NXF3: variants seen among roughly 807,000 people sequenced by gnomAD.
NXF3 encodes nuclear RNA export factor 3.
Under a neutral mutation model 48.4 loss-of-function variants are expected in NXF3, and 34 were observed. The observed-to-expected ratio is 0.70, with a 90% CI of 0.53 to 0.93. The LOEUF (loss-of-function observed/expected upper bound fraction) is 0.93. Among genes scored for constraint, NXF3 ranks in the 40% least tolerant of loss-of-function variants. The pLI is 0.00. For synonymous variants in NXF3, 132 were observed against 145.7 expected (o/e 0.91, Z 0.68); for missense variants, 359 against 406.1 (o/e 0.88, Z 1.00).
At chrX:103,078,822 T>C (rs73523996) in intron 16 of NXF3, among the ~76,000 whole-genome samples, 190 bp from the exon 17 acceptor site, 1,917 of 112,025 alleles carry the variant, frequency 0.017, 53 homozygotes, top group African/African-American at 0.058. Context: ...CTCCCAGTGA[T>C]AGGGCCCCTA....
chrX:103,084,952 A>G, intron 1 of NXF3, 69 bp from the exon 2 acceptor site: 1 of 993,872 alleles, frequency 1.0e-6, no homozygotes, highest in Non-Finnish European at 1.4e-6. Flanking sequence ...ATAATGGATA[A>G]TGAAAAAATT....
At position 103,084,330 on chromosome X, in the gene NXF3, C is replaced by G. The variant is rs1922091858; in HGVS notation, c.351+12G>C. 2.5e-6 allele frequency: 3 copies of G among 1,208,051 alleles called. No individual in the cohort carries two copies. The highest frequency in any genetic ancestry group is 3.4e-6 in the Non-Finnish European group (3 of 894,409). On this transcript the variant is annotated intron_variant, in intron 3 of 19. Transcript: ENST00000395065. ...CTTCTGAACATTAGATCCACTTTGC[C>G]AGGACACTCACTGTGATCTTGAACC... is the stretch of plus-strand genomic sequence containing the variant.
intron 19 of NXF3, 79 bp from the exon 20 acceptor site, chrX:103,076,079 T>C: frequency 2.4e-6 from 1 of 418,022 alleles, no homozygotes; most frequent in African/African-American, 2.5e-5. Flanking sequence ...GGCTTTGTTT[T>C]CAGGATCCTA....
chrX:103,090,371 T>A (rs1245747816), intron 1 of NXF3, among the ~76,000 whole-genome samples: 2 of 112,159 alleles, frequency 1.8e-5, no homozygotes, highest in African/African-American at 6.5e-5. Context: ...TGTAGAGGGA[T>A]AAGATGCTTG....
intron 17 of NXF3, 120 bp from the exon 18 acceptor site, chrX:103,077,866 C>T: frequency 1.2e-6 from 1 of 857,843 alleles, no homozygotes. Flanking sequence ...GTGCCTCCCT[C>T]CTAGCTTTTT....
intron 1 of NXF3, chrX:103,087,594 TA>T: frequency 5.2e-6 from 5 of 961,237 alleles, no homozygotes; most frequent in Non-Finnish European, 7.5e-6. Context: ...ATAATACTTT[TA>T]CCAGAGGAAA....
In NXF3 at chrX:103,082,994, T is replaced by G; in HGVS notation, c.691+10A>C. 8.3e-7 allele frequency: 1 copy of G among 1,204,024 alleles called. No homozygotes were observed. The highest frequency in any genetic ancestry group is 1.1e-6 in the Non-Finnish European group (1 of 888,824). On this transcript the variant is annotated intron_variant, in intron 7 of 19. Coordinates refer to ENST00000395065, the MANE Select transcript of NXF3 (RefSeq NM_022052.2). ...CCTCATCTACCATAGAATTACTTTC[T>G]CAGCCATACCTGGGTAAAATGGGAG... is the stretch of plus-strand genomic sequence containing the variant.
chrX:103,089,034 T>A (rs1300023415), intron 1 of NXF3: 4 of 1,149,893 alleles, frequency 3.5e-6, no homozygotes, highest in Non-Finnish European at 4.8e-6. Context: ...CCATCCTTTT[T>A]GCAGTTATTC....
Position 103,080,211 on chromosome X carries a change from G to A in NXF3, c.933C>T (p.Gly311=). The A allele has an allele frequency of 8.3e-7, 1 of 1,211,119 alleles. No individual in the cohort carries two copies. Among genetic ancestry groups the A allele is most frequent in the South Asian group, 1.8e-5 (1 of 56,874 alleles). Residue 311 remains glycine (G), a synonymous_variant, in exon 11 of 20, where the codon GGC becomes GGT. Coordinates refer to ENST00000395065, the MANE Select transcript of NXF3 (RefSeq NM_022052.2). The part of the protein sequence containing the change: ...ELFPKLLCLD[G]QQSPRATLCG... ...ATAAAGTTGCTCTGGGTGACTGCTG[G>A]CCATCCTGGGGAAGGCAAGAGGAAG...
intron 1 of NXF3, chrX:103,089,166 T>C: frequency 1.3e-6 from 1 of 743,358 alleles, no homozygotes; most frequent in Non-Finnish European, 2.1e-6. Flanking sequence ...ACTATTTGAA[T>C]GCTCAGTTTG....
In NXF3 at chrX:103,082,321, G is replaced by A; in HGVS notation, c.824C>T (p.Pro275Leu). ...GCTTCTGTCCGCACACTTCTCTCCTGGCTCTATCCCTTTCCACTTGTCCAT... is the reference window on the plus strand; with the variant it reads ...GCTTCTGTCCGCACACTTCTCTCCTAGCTCTATCCCTTTCCACTTGTCCAT... ...GEMDKWKGIE[P>L]GEKCADRSPV... The change falls in exon 9 of 20, where the codon CCA becomes CTA. Residue 275 changes from proline (P) to leucine (L), a missense_variant. Coordinates refer to ENST00000395065, the MANE Select transcript of NXF3 (RefSeq NM_022052.2). 8.3e-7 allele frequency: 1 copy of A among 1,209,055 alleles called. No homozygotes were observed. The highest frequency in any genetic ancestry group is 1.1e-6 in the Non-Finnish European group (1 of 893,608).
Position 103,077,665 on chromosome X carries a change from G to C in NXF3, c.1533C>G (p.Pro511=). The C allele has an allele frequency of 8.3e-7, 1 of 1,211,260 alleles. No homozygotes were observed. The highest frequency in any genetic ancestry group is 1.8e-5 in the South Asian group (1 of 56,985). The change falls in exon 18 of 20, where the codon CCC becomes CCG. Residue 511 remains proline (P), a synonymous_variant. Transcript: ENST00000395065. ...CAGGCACGGAGCTGGAGAAGGCTGT[G>C]GGCACTAGGGTGAACAAGGCACTCT... ...GTQSALFTLV[P]TAFSSSVPAF...
chrX:103,092,466 A>AC (rs1389850395), intron 1 of NXF3, among the ~76,000 whole-genome samples: 18 of 112,948 alleles, frequency 1.6e-4, no homozygotes, highest in Non-Finnish European at 3.2e-4. Flanking sequence ...AGAAATAGTT[A>AC]AAACCACTGT....
In NXF3 at chrX:103,079,749, G is replaced by C; in HGVS notation, c.1160+14C>G. 1 of 1,203,107 alleles carries C rather than the reference G, an allele frequency of 8.3e-7. No homozygotes were observed. Among genetic ancestry groups the C allele is most frequent in the Non-Finnish European group, 1.1e-6 (1 of 887,890 alleles). On this transcript the variant is annotated intron_variant, in intron 13 of 19. Coordinates refer to ENST00000395065, the MANE Select transcript of NXF3 (RefSeq NM_022052.2). ...CACATGGCCCTGGACCAGGGTCGGAGCTGTGATACTCACGGGGCTGAGTCC... is the reference window on the plus strand; with the variant it reads ...CACATGGCCCTGGACCAGGGTCGGACCTGTGATACTCACGGGGCTGAGTCC...
intron 1 of NXF3, chrX:103,088,671 TA>T: frequency 1.1e-6 from 1 of 938,885 alleles, no homozygotes. Flanking sequence ...GTATCCAAAC[TA>T]AAAAGACACT....
At chrX:103,080,326 G>T in intron 10 of NXF3, 110 bp from the exon 11 acceptor site, 2 of 819,434 alleles carry the variant, frequency 2.4e-6, no homozygotes, top group Non-Finnish European at 1.8e-6. Context: ...GTGTGAAAGC[G>T]TTCTGGAAAT....
In NXF3 at chrX:103,076,235, C is replaced by T; in HGVS notation, c.*49+6G>A. On this transcript the variant is annotated splice_donor_region_variant and intron_variant, in intron 19 of 19. Transcript: ENST00000395065. ...TGCTCACTTGGCCTGAATTCCTAGA[C>T]CTCACCTTGGGCCATGCAAGAACAT... is the stretch of plus-strand genomic sequence containing the variant. The T allele has an allele frequency of 8.4e-7, 1 of 1,192,796 alleles. No homozygotes were observed. Among genetic ancestry groups the T allele is most frequent in the East Asian group, 3.0e-5 (1 of 33,751 alleles).
In NXF3 at chrX:103,079,181, G is replaced by A. The variant is rs372453266; in HGVS notation, c.1378+40C>T. The A allele has an allele frequency of 1.2e-4, 137 of 1,178,868 alleles. No homozygotes were observed. In the African/African-American group the frequency reaches 1.8e-3, roughly 16 times the overall value. On this transcript the variant is annotated intron_variant, in intron 16 of 19. Transcript: ENST00000395065. ...GATGGAGCCCAGCCAGGGGGAGGGA[G>A]GAGTGGGGGATCTGGGGAAGGGACT...
chrX:103,085,489 C>T (rs764636717), intron 1 of NXF3, among the ~76,000 whole-genome samples: 215 of 112,060 alleles, frequency 1.9e-3, no homozygotes, highest in African/African-American at 6.5e-3. Flanking sequence ...GGCAAGTTCC[C>T]TGCCTCAAAG....
Sources: allele counts gnomAD v4.1 joint callset (sites outside exome capture counted in the v4.1 genomes callset), GRCh38; gene constraint gnomAD v4.1.1; transcripts MANE v1.5; gene names NCBI Gene and HGNC (gene_info 2026-07-23, HGNC 2026-07-21).